The following UBE2V2 variants were observed in gnomAD, a reference collection of about 807,000 sequenced individuals.
The protein encoded by UBE2V2 is ubiquitin-conjugating enzyme E2 variant 2.
Under a neutral mutation model 17.2 loss-of-function variants are expected in UBE2V2, and 9 were observed. The observed-to-expected ratio is 0.52, with a 90% confidence interval of 0.32 to 0.91. The LOEUF (loss-of-function observed/expected upper bound fraction) is 0.91. Ranked by LOEUF, UBE2V2 falls within the 40% of genes least tolerant of loss-of-function variation. The pLI, the probability that UBE2V2 is intolerant of heterozygous loss-of-function variation, is 0.04. For missense variants in UBE2V2, 133 were observed against 182.6 expected (o/e 0.73, Z 1.56); for synonymous variants, 61 against 57.5 (o/e 1.06, Z -0.28).
chr8:48,036,881 GTTAAT>G (rs2091428591), intron 1 of UBE2V2, among the ~76,000 whole-genome samples: 1 of 151,986 alleles, frequency 6.6e-6, no homozygotes, highest in African/African-American at 2.4e-5. Flanking sequence ...ATGACAGATA[GTTAAT>G]ATATATGAGC....
At chr8:48,023,891 A>C (rs755214716) in intron 1 of UBE2V2, among the ~76,000 whole-genome samples, 4 of 152,118 alleles carry the variant, frequency 2.6e-5, no homozygotes, top group East Asian at 3.9e-4. Context: ...AACAAACAAA[A>C]AAAATCAATG....
intron 1 of UBE2V2, among the ~76,000 whole-genome samples, chr8:48,012,029 A>C (rs1393852029): frequency 6.6e-6 from 1 of 152,194 alleles, no homozygotes; most frequent in Non-Finnish European, 1.5e-5. Context: ...TGAGGCTCAA[A>C]CAAGTAAAAG....
chr8:48,005,627 TC>T (rs2091178816), upstream of UBE2V2, among the ~76,000 whole-genome samples: 1 of 152,212 alleles, frequency 6.6e-6, no homozygotes, highest in African/African-American at 2.4e-5. Context: ...TAATTTATAC[TC>T]CCACCAACAG....
chr8:48,047,795 G>A (rs1028226616), intron 2 of UBE2V2, among the ~76,000 whole-genome samples: 3 of 151,902 alleles, frequency 2.0e-5, no homozygotes, highest in Admixed American at 6.6e-5. Flanking sequence ...CAGTCTGCCC[G>A]CCTTTGGCCT....
intron 3 of UBE2V2, chr8:48,050,590 G>A (rs1384231289): frequency 6.6e-6 from 1 of 151,032 alleles, no homozygotes; most frequent in East Asian, 2.0e-4. Context: ...TCTTTATTTG[G>A]TAAAAAGATG....
chr8:47,997,722 G>A, the UBE2V2 span, among the ~76,000 whole-genome samples: 3 of 151,942 alleles, frequency 2.0e-5, no homozygotes, highest in Non-Finnish European at 2.9e-5. Context: ...GCAAGGGAGC[G>A]GGCTGCTGGG....
chr8:48,014,024 A>G (rs1445734984), intron 1 of UBE2V2, among the ~76,000 whole-genome samples: 4 of 152,254 alleles, frequency 2.6e-5, no homozygotes, highest in Non-Finnish European at 2.9e-5. Flanking sequence ...GAAGAGAATT[A>G]CATAGTTTAA....
intron 1 of UBE2V2, among the ~76,000 whole-genome samples, chr8:48,031,822 T>C (rs752214401): frequency 7.2e-5 from 11 of 152,146 alleles, no homozygotes; most frequent in Non-Finnish European, 1.5e-4. Context: ...ATTTTTTGTA[T>C]TTTTAGTAGA....
chr8:48,037,623 G>A (rs1172493009), intron 1 of UBE2V2, among the ~76,000 whole-genome samples: 1 of 152,118 alleles, frequency 6.6e-6, no homozygotes, highest in African/African-American at 2.4e-5. Flanking sequence ...GTGTCTTGAT[G>A]CCCTGCTGAA....
chr8:48,049,747 T>C, intron 2 of UBE2V2, 106 bp from the exon 3 acceptor site: 2 of 1,014,098 alleles, frequency 2.0e-6, no homozygotes, highest in Admixed American at 3.0e-5. Flanking sequence ...ATAAACACTG[T>C]CTTACGTACA....
At chr8:48,039,931 T>C (rs2091450177) in intron 1 of UBE2V2, among the ~76,000 whole-genome samples, 1 of 152,128 alleles carries the variant, frequency 6.6e-6, no homozygotes, top group South Asian at 2.1e-4. Context: ...GGTCTTGCCA[T>C]GTTGCCCAGG....
Position 48,036,193 on chromosome 8 carries a change from G to A in UBE2V2, c.17-6840G>A, listed in dbSNP as rs560896808. 4.0e-5 allele frequency among the ~76,000 whole-genome samples: 6 copies of A among 151,310 alleles called. No individual in the cohort carries two copies. The East Asian group carries it at 7.8e-4, about 20-fold the overall frequency. On this transcript the variant is annotated intron_variant, in intron 1 of 3. Transcript: ENST00000523111. ...TTGTCTTGAACTCCTGGGCTCAAGC[G>A]ATCCTCCCACCTTGGCCTCCCAAAG...
intron 1 of UBE2V2, among the ~76,000 whole-genome samples, chr8:48,015,895 G>GTTTT (rs1168641766): frequency 2.3e-5 from 3 of 132,210 alleles, no homozygotes; most frequent in Non-Finnish European, 3.2e-5. Context: ...TGTCTGTGTG[G>GTTTT]TTTTTTTTTT....
chr8:48,033,416 ACTCAAGTAATC>A (rs920200771), intron 1 of UBE2V2, among the ~76,000 whole-genome samples: 3 of 151,690 alleles, frequency 2.0e-5, no homozygotes, highest in African/African-American at 7.3e-5. Context: ...GAACTCCTGG[ACTCAAGTAATC>A]CTCCTGCCTT....
At chr8:48,021,033 A>G (rs1307471454) in intron 1 of UBE2V2, among the ~76,000 whole-genome samples, 2 of 141,494 alleles carry the variant, frequency 1.4e-5, no homozygotes, top group Non-Finnish European at 3.0e-5. Context: ...GGCATGATCC[A>G]CTCTGCTGGC....
the UBE2V2 span, among the ~76,000 whole-genome samples, chr8:48,002,599 G>T: frequency 6.6e-6 from 1 of 151,234 alleles, no homozygotes; most frequent in Admixed American, 6.6e-5. Context: ...ACTAGCCTGG[G>T]CAATATGGTG....
At chr8:48,035,895 A>C (rs1171607576) in intron 1 of UBE2V2, among the ~76,000 whole-genome samples, 16 of 151,354 alleles carry the variant, frequency 1.1e-4, no homozygotes, top group Non-Finnish European at 2.2e-4. Flanking sequence ...CGTCTCAAAA[A>C]AAAAATTGGA....
intron 3 of UBE2V2, chr8:48,050,190 T>C (rs2091526465): frequency 3.0e-6 from 1 of 334,256 alleles, no homozygotes; most frequent in South Asian, 1.1e-4. Flanking sequence ...AAAACCTTAA[T>C]GTACTTGCCT....
At chr8:48,007,056 A>AT (rs1256659988), upstream of UBE2V2, among the ~76,000 whole-genome samples, 551 of 137,096 alleles carry the variant, frequency 4.0e-3, no homozygotes, top group Middle Eastern at 7.5e-3. Flanking sequence ...AATTTTTTGT[A>AT]TTTTTTTTTT....
Sources: gnomAD v4.1 joint callset for allele counts (sites outside exome capture counted in the v4.1 genomes callset) on GRCh38, gnomAD v4.1.1 for gene constraint, MANE v1.5 for transcripts, NCBI Gene and HGNC (gene_info 2026-07-23, HGNC 2026-07-21) for gene names.